Variants in TENM2 observed in about 807,000 individuals in gnomAD.
The protein encoded by TENM2 is teneurin transmembrane protein 2.
TENM2 carries 52 observed loss-of-function variants against 245.2 expected under a neutral mutation model. The ratio of observed to expected loss-of-function variants is 0.21; its 90% CI spans 0.17 to 0.27. TENM2 has a LOEUF of 0.27. Ranked by LOEUF, TENM2 falls within the 10% of genes least tolerant of loss-of-function variation. The pLI, the probability that TENM2 is intolerant of heterozygous loss-of-function variation, is 1.00. For missense variants in TENM2, 3,046 were observed against 3,666.8 expected, an observed-to-expected ratio of 0.83 and a Z score of 4.37; for synonymous variants, 1,363 against 1,438.9, an observed-to-expected ratio of 0.95 and a Z score of 1.19.
At chr5:167,551,686 G>A (rs1318271848) in intron 2 of TENM2, among the ~76,000 whole-genome samples, 1 of 151,960 alleles carries the variant, frequency 6.6e-6, no homozygotes, top group Non-Finnish European at 1.5e-5. Flanking sequence ...ATCTATCTAT[G>A]TATTCATTTG....
exon 1 of TENM2, chr5:167,284,824 C>G: frequency 6.5e-7 from 1 of 1,543,302 alleles, no homozygotes; most frequent in Non-Finnish European, 8.8e-7. Flanking sequence ...CAGCATTCTG[C>G]CATATCTGGA....
chr5:167,234,814 G>T, the TENM2 span, among the ~76,000 whole-genome samples: 1 of 152,134 alleles, frequency 6.6e-6, no homozygotes, highest in Admixed American at 6.5e-5. Context: ...ATTTAAAAAT[G>T]TGGTGAAAAT....
intron 3 of TENM2, among the ~76,000 whole-genome samples, chr5:167,890,228 GCACGA>G (rs1327630045): frequency 1.3e-5 from 2 of 152,054 alleles, no homozygotes; most frequent in Non-Finnish European, 2.9e-5. Context: ...TGAGAACTAG[GCACGA>G]CACATTATTC....
intron 6 of TENM2, among the ~76,000 whole-genome samples, chr5:168,048,145 A>G (rs1434470695): frequency 6.6e-6 from 1 of 151,860 alleles, no homozygotes; most frequent in East Asian, 1.9e-4. Flanking sequence ...TGTTTATTGA[A>G]GCAATCAGGC....
chr5:167,350,488 C>CTG (rs1460091863), intron 1 of TENM2, among the ~76,000 whole-genome samples: 1 of 143,738 alleles, frequency 7.0e-6, no homozygotes, highest in African/African-American at 2.6e-5. Context: ...TATATCCTAT[C>CTG]TATATATATA....
At chr5:167,908,080 G>A (rs1349038885) in intron 3 of TENM2, among the ~76,000 whole-genome samples, 1 of 152,074 alleles carries the variant, frequency 6.6e-6, no homozygotes, top group Non-Finnish European at 1.5e-5. Flanking sequence ...AAATCAAAGT[G>A]AGTTTTTGAC....
At chr5:167,679,516 G>A (rs143962147) in intron 2 of TENM2, among the ~76,000 whole-genome samples, 5 of 152,032 alleles carry the variant, frequency 3.3e-5, no homozygotes, top group African/African-American at 7.2e-5. Flanking sequence ...AAAGTTAAGC[G>A]GGTATGCGGT....
At chr5:167,477,288 T>C (rs1316872451) in intron 2 of TENM2, among the ~76,000 whole-genome samples, 2 of 148,524 alleles carry the variant, frequency 1.3e-5, no homozygotes, top group Admixed American at 6.7e-5. Context: ...AAAAATACCA[T>C]GACTAGTAAA....
At chr5:167,984,676 C>T (rs1381193637) in intron 4 of TENM2, among the ~76,000 whole-genome samples, 2 of 152,034 alleles carry the variant, frequency 1.3e-5, no homozygotes, top group Admixed American at 1.3e-4. Context: ...AAATTATATG[C>T]TTGTTTTTTT....
chr5:167,887,089 G>T (rs924181981), intron 3 of TENM2, among the ~76,000 whole-genome samples: 3 of 152,120 alleles, frequency 2.0e-5, no homozygotes, highest in African/African-American at 7.2e-5. Context: ...CTAAGCACAG[G>T]TACCATCATT....
Position 168,225,981 on chromosome 5 carries a change from C to T in TENM2, c.5109-107C>T, listed in dbSNP as rs942582147. The T allele has an allele frequency of 1.1e-4, 123 of 1,077,664 alleles. No homozygotes were observed. In the Middle Eastern group the frequency reaches 1.6e-3, roughly 14 times the overall value. 66.8% of individuals were successfully genotyped at this position (1,077,664 alleles called of 1,614,324 possible). ...GCCTCAGTGAGATGCGCCACCCAGC[C>T]AACCCACCTTCCCAGCTCTTTCTCT... On this transcript the variant is annotated intron_variant, in intron 23 of 28. Transcript: ENST00000518659.
At chr5:168,246,094 G>A (rs1026782827) in intron 26 of TENM2, among the ~76,000 whole-genome samples, 4 of 152,022 alleles carry the variant, frequency 2.6e-5, no homozygotes, top group African/African-American at 7.2e-5. Context: ...TTAGCCAGGC[G>A]TGGTGGTGCA....
At chr5:167,142,018 C>T in the TENM2 span, among the ~76,000 whole-genome samples, 371 of 151,960 alleles carry the variant, frequency 2.4e-3, 4 homozygotes, top group African/African-American at 7.7e-3. Context: ...AAGTGGCAAA[C>T]TCGGAGGGGG....
At chr5:167,427,086 G>A (rs1680824970) in intron 2 of TENM2, among the ~76,000 whole-genome samples, 1 of 152,096 alleles carries the variant, frequency 6.6e-6, no homozygotes. Context: ...TAAAAAAAAG[G>A]ATGAAAGAAG....
At chr5:168,034,089 ATGTG>A (rs1289242589) in intron 5 of TENM2, among the ~76,000 whole-genome samples, 3 of 141,028 alleles carry the variant, frequency 2.1e-5, no homozygotes, top group Non-Finnish European at 4.5e-5. Context: ...ATACATATAT[ATGTG>A]TATATATATA....
chr5:168,019,635 G>T (rs1202760535), intron 5 of TENM2, among the ~76,000 whole-genome samples: 1 of 152,218 alleles, frequency 6.6e-6, no homozygotes, highest in Non-Finnish European at 1.5e-5. Flanking sequence ...GAGGGTAAAA[G>T]AAAGTTTCCT....
chr5:167,119,174 G>A, the TENM2 span, among the ~76,000 whole-genome samples: 1 of 152,118 alleles, frequency 6.6e-6, no homozygotes, highest in Non-Finnish European at 1.5e-5. Flanking sequence ...GATACAATTA[G>A]TTAATATTAC....
chr5:167,527,169 A>G (rs1771177937), intron 2 of TENM2, among the ~76,000 whole-genome samples: 1 of 152,072 alleles, frequency 6.6e-6, no homozygotes, highest in Admixed American at 6.6e-5. Flanking sequence ...GCATTACCAC[A>G]TAGAAAAAAA....
chr5:167,359,529 A>G (rs1450861137), intron 1 of TENM2, among the ~76,000 whole-genome samples: 1 of 151,196 alleles, frequency 6.6e-6, no homozygotes, highest in Non-Finnish European at 1.5e-5. Context: ...TTTTCTTTTC[A>G]TAGTACCTAC....
Sources: gnomAD v4.1 joint callset for allele counts (sites outside exome capture counted in the v4.1 genomes callset) on GRCh38, gnomAD v4.1.1 for gene constraint, MANE v1.5 for transcripts, NCBI Gene and HGNC (gene_info 2026-07-23, HGNC 2026-07-21) for gene names.